RP1L1: variants seen among roughly 807,000 people sequenced by gnomAD.
RP1L1 encodes the protein retinitis pigmentosa 1-like 1 protein.
A neutral mutation model predicts 15.7 loss-of-function variants in RP1L1; 27 were observed. The ratio of observed to expected loss-of-function variants is 1.72; its 90% CI spans 1.27 to 2.38. The LOEUF (loss-of-function observed/expected upper bound fraction) is 2.38, where lower values mean the gene tolerates loss of function less well. Ranked by LOEUF, RP1L1 falls within the 30% of genes most tolerant of loss-of-function variation. The pLI is 0.00. For synonymous variants in RP1L1, 1,813 were observed against 1,276.7 expected (o/e 1.42, Z -8.96); for missense variants, 4,798 against 3,075.9 (o/e 1.56, Z -13.24).
intron 3 of RP1L1, among the ~76,000 whole-genome samples, chr8:10,614,641 A>T (rs1797935434): frequency 6.8e-6 from 1 of 146,802 alleles, no homozygotes; most frequent in Non-Finnish European, 1.5e-5. Flanking sequence ...AGCCTGGGTG[A>T]CAGGGTAAGA....
intron 1 of RP1L1, among the ~76,000 whole-genome samples, chr8:10,628,957 G>T (rs1332811821): frequency 6.6e-6 from 1 of 152,220 alleles, no homozygotes; most frequent in East Asian, 1.9e-4. Flanking sequence ...ACACCAAGCG[G>T]GATGTGCAGC....
chr8:10,637,684 G>C (rs1261385373), intron 1 of RP1L1, among the ~76,000 whole-genome samples: 2 of 152,198 alleles, frequency 1.3e-5, no homozygotes, highest in Admixed American at 6.5e-5. Context: ...GCTCAGCTGA[G>C]TTTTCCTGCA....
rs377113656 is a variant in RP1L1, at chr8:10,613,319, C to G, written c.779G>C (p.Ser260Thr). 1.9e-6 allele frequency: 3 copies of G among 1,601,056 alleles called. No homozygotes were observed. The highest frequency in any genetic ancestry group is 1.7e-6 in the Non-Finnish European group (2 of 1,179,952). Residue 260 changes from serine to threonine, a missense_variant, in exon 4 of 4, where the codon AGT becomes ACT. Ser to Thr is a moderately conservative substitution (Grantham distance 58). Transcript: ENST00000382483. ...TGGCGGAGACCGCGAATGGATCACA[C>G]TCGGCTTGGTCTTTGGCCCCCAGCT... ...NGSWGPKTKP[S>T]VIHSRSPPGS... is the part of the protein sequence containing the mutation.
At chr8:10,639,417 G>T (rs1798377146) in intron 1 of RP1L1, among the ~76,000 whole-genome samples, 1 of 152,148 alleles carries the variant, frequency 6.6e-6, no homozygotes, top group South Asian at 2.1e-4. Flanking sequence ...GTCTTGCTCA[G>T]GCTGGAGTGC....
intron 2 of RP1L1, among the ~76,000 whole-genome samples, chr8:10,619,515 G>C (rs977174679): frequency 6.6e-6 from 1 of 152,122 alleles, no homozygotes; most frequent in African/African-American, 2.4e-5. Context: ...AGACATCCCT[G>C]ACAGGTTGGT....
In RP1L1 at chr8:10,611,519, C is replaced by A. The variant is rs183579257; in HGVS notation, c.2579G>T (p.Arg860Leu). ...GGAAGAGCGCCTCTGGGGGCAGGGC[C>A]GCCCCCTGGGCGGGGTGGGACAGTA... ...GRYCPTPPRG[R>L]PCPQRRSSSC... is the part of the protein sequence containing the mutation. The change falls in exon 4 of 4, where the codon CGG (arginine) becomes CTG (leucine). Residue 860 changes from arginine to leucine, a missense_variant. Arg to Leu is a moderately radical substitution (Grantham distance 102). Transcript: ENST00000382483. The A allele has an allele frequency of 1.4e-5, 22 of 1,580,924 alleles. No homozygotes were observed. The African/African-American group carries it at 2.4e-4, about 17-fold the overall frequency.
intron 1 of RP1L1, among the ~76,000 whole-genome samples, chr8:10,652,768 C>T (rs1435066492): frequency 6.6e-6 from 1 of 152,188 alleles, no homozygotes; most frequent in African/African-American, 2.4e-5. Flanking sequence ...CACGTCCCCC[C>T]TGATTCCCTA....
chr8:10,623,364 T>C (rs1450414333), intron 1 of RP1L1, 144 bp from the exon 2 acceptor site: 4 of 686,100 alleles, frequency 5.8e-6, no homozygotes, highest in Non-Finnish European at 9.5e-6. Context: ...TCTATTTGGA[T>C]GGAACAGAAG....
In RP1L1 at chr8:10,616,509, T is replaced by G. The variant is rs1381781856; in HGVS notation, c.688A>C (p.Met230Leu). 2 of 1,614,092 alleles carry G rather than the reference T, an allele frequency of 1.2e-6. No individual in the cohort carries two copies. The highest frequency in any genetic ancestry group is 4.5e-5 in the East Asian group (2 of 44,882). ...GCCTCGCTTCTCCTGGCATTTTTCA[T>G]GGCTGGGGTTCTGAAGGCCTCATGC... ...AGHEAFRTPAMKNARRSEAET... is the reference protein window; with the variant it reads ...AGHEAFRTPALKNARRSEAET... The change falls in exon 3 of 4, where the codon ATG (methionine) becomes CTG (leucine). Residue 230 changes from methionine to leucine, a missense_variant. Transcript: ENST00000382483.
chr8:10,606,816 A>G lies in RP1L1; in HGVS notation c.*79T>C. On this transcript the variant is annotated 3_prime_UTR_variant, in exon 4 of 4. Transcript: ENST00000382483. ...ACTATGGACATCTCCAGTGGACTGAACGTTGCTCAGTTTTGTAGAAAAAAT... is the reference window on the plus strand; with the variant it reads ...ACTATGGACATCTCCAGTGGACTGAGCGTTGCTCAGTTTTGTAGAAAAAAT... 6.2e-7 allele frequency: 1 copy of G among 1,602,268 alleles called. No homozygotes were observed. The highest frequency in any genetic ancestry group is 8.5e-7 in the Non-Finnish European group (1 of 1,178,462).
At chr8:10,632,651 C>T (rs1333972205) in intron 1 of RP1L1, among the ~76,000 whole-genome samples, 1 of 152,246 alleles carries the variant, frequency 6.6e-6, no homozygotes, top group Non-Finnish European at 1.5e-5. Flanking sequence ...CTGACTTTGG[C>T]TCCCCAGTGG....
chr8:10,613,042 G>A lies in RP1L1; in HGVS notation c.1056C>T (p.Ala352=). 1 of 1,613,584 alleles carries A rather than the reference G, an allele frequency of 6.2e-7. No individual in the cohort carries two copies. Among genetic ancestry groups the A allele is most frequent in the Non-Finnish European group, 8.5e-7 (1 of 1,180,018 alleles). ...RMGRASALTA[A]SGEDPVLGEV... is the part of the protein sequence containing the mutation. ...CCCCCAGAACGGGGTCTTCCCCACT[G>A]GCTGCCGTGAGGGCGCTGGCCCTGC... The change falls in exon 4 of 4, where the codon GCC becomes GCT. Residue 352 remains alanine (A), a synonymous_variant. Transcript: ENST00000382483.
chr8:10,651,645 A>G (rs901167442), intron 1 of RP1L1, among the ~76,000 whole-genome samples: 1 of 151,564 alleles, frequency 6.6e-6, no homozygotes, highest in Non-Finnish European at 1.5e-5. Context: ...GAATCCCTTG[A>G]ACTCAGGAGG....
At position 10,623,018 on chromosome 8, in the gene RP1L1, T is replaced by C; in HGVS notation, c.184A>G (p.Ser62Gly). The C allele has an allele frequency of 1.9e-6, 3 of 1,614,070 alleles. No individual in the cohort carries two copies. Among genetic ancestry groups the C allele is most frequent in the Non-Finnish European group, 2.5e-6 (3 of 1,180,008 alleles). ...TGGGAGAGCTCGTCCATGAGGGCGC[T>C]GAAGGTCTTAAAGGCGCGCTGGTGA... is the stretch of plus-strand genomic sequence containing the variant. ...AVHQRAFKTF[S>G]ALMDELSQRV... The change falls in exon 2 of 4, where the codon AGC becomes GGC. Residue 62 changes from serine to glycine, a missense_variant. Coordinates refer to ENST00000382483, the MANE Select transcript of RP1L1 (RefSeq NM_178857.6).
At chr8:10,631,258 CACACGCACACAA>C (rs1263210366) in intron 1 of RP1L1, among the ~76,000 whole-genome samples, 5 of 151,746 alleles carry the variant, frequency 3.3e-5, no homozygotes, top group South Asian at 4.2e-4. Flanking sequence ...CACATGCACA[CACACGCACACAA>C]ACACGCATGC....
chr8:10,640,010 G>T (rs1404916814), intron 1 of RP1L1, among the ~76,000 whole-genome samples: 1 of 152,160 alleles, frequency 6.6e-6, no homozygotes, highest in African/African-American at 2.4e-5. Context: ...ATGGTCAGGG[G>T]TTTTGTTTGT....
At chr8:10,626,007 G>C (rs533658382) in intron 1 of RP1L1, among the ~76,000 whole-genome samples, 63 of 152,190 alleles carry the variant, frequency 4.1e-4, no homozygotes, top group Admixed American at 1.4e-3. Flanking sequence ...TGTGTGGGAG[G>C]GGGTAGACGG....
chr8:10,612,868 A>T lies in RP1L1; in HGVS notation c.1230T>A (p.Asn410Lys), dbSNP rs202009568. 1 of 1,612,646 alleles carries T rather than the reference A, an allele frequency of 6.2e-7. No individual in the cohort carries two copies. The highest frequency in any genetic ancestry group is 8.5e-7 in the Non-Finnish European group (1 of 1,179,866). Residue 410 changes from asparagine to lysine, a missense_variant, in exon 4 of 4, where the codon AAT (asparagine) becomes AAA (lysine). By Grantham distance (94) the Asn-to-Lys change is moderately conservative. Coordinates refer to ENST00000382483, the MANE Select transcript of RP1L1 (RefSeq NM_178857.6). ...QPGPKYEIWT[N>K]PLHASQGERV... ...TCTCTCCCTGGGAGGCATGCAGGGGATTCGTCCAGATTTCATACTTGGGCC... is the reference window on the plus strand; with the variant it reads ...TCTCTCCCTGGGAGGCATGCAGGGGTTTCGTCCAGATTTCATACTTGGGCC...
Position 10,612,157 on chromosome 8 carries a change from T to G in RP1L1, c.1941A>C (p.Ala647=), listed in dbSNP as rs1797873601. Residue 647 remains alanine, a synonymous_variant, in exon 4 of 4, where the codon GCA becomes GCC. Coordinates refer to ENST00000382483, the MANE Select transcript of RP1L1 (RefSeq NM_178857.6). ...GQRRHRSRAS[A]MSSPSSPGLG... ...GGCCAGGGCTGCTGGGTGAGGACATTGCACTGGCCCGGCTTCTGTGCCTTC... is the reference window on the plus strand; with the variant it reads ...GGCCAGGGCTGCTGGGTGAGGACATGGCACTGGCCCGGCTTCTGTGCCTTC... 2 of 1,613,466 alleles carry G rather than the reference T, an allele frequency of 1.2e-6. No homozygotes were observed. The highest frequency in any genetic ancestry group is 1.7e-5 in the Admixed American group (1 of 60,036).
Sources: allele counts gnomAD v4.1 joint callset (sites outside exome capture counted in the v4.1 genomes callset), GRCh38; gene constraint gnomAD v4.1.1; transcripts MANE v1.5; gene names NCBI Gene and HGNC (gene_info 2026-07-23, HGNC 2026-07-21).